The following AAK1 variants were observed in gnomAD, a reference collection of about 807,000 sequenced individuals.
AAK1 encodes the protein AP2-associated protein kinase 1.
A neutral mutation model predicts 116.0 loss-of-function variants in AAK1; 37 were observed. That is an observed-to-expected ratio of 0.32 (90% CI 0.25 to 0.42). The LOEUF is 0.42. AAK1 is among the 10% of genes least tolerant of loss of function. The pLI is 1.00. For missense variants in AAK1, 919 were observed against 1,170.6 expected, an observed-to-expected ratio of 0.79 and a Z score of 3.14; for synonymous variants, 458 against 439.9, an observed-to-expected ratio of 1.04 and a Z score of -0.51.
At chr2:69,508,646 G>C (rs1414637162) in intron 14 of AAK1, among the ~76,000 whole-genome samples, 1 of 152,180 alleles carries the variant, frequency 6.6e-6, no homozygotes, top group African/African-American at 2.4e-5. Flanking sequence ...AAAATGTTCA[G>C]ACAAAAATTA....
chr2:69,613,591 G>C (rs943500285), intron 2 of AAK1, among the ~76,000 whole-genome samples: 4 of 152,048 alleles, frequency 2.6e-5, no homozygotes, highest in African/African-American at 9.7e-5. Flanking sequence ...AATCAACAAG[G>C]GCCAGTGATT....
intron 10 of AAK1, among the ~76,000 whole-genome samples, chr2:69,524,165 A>C (rs1454711907): frequency 1.3e-5 from 2 of 152,208 alleles, no homozygotes; most frequent in African/African-American, 4.8e-5. Flanking sequence ...AGCCATAGAA[A>C]GTAAGAAGGA....
At chr2:69,482,886 C>A in intron 17 of AAK1, 74 bp from the exon 18 acceptor site, 1 of 907,544 alleles carries the variant, frequency 1.1e-6, no homozygotes, top group Non-Finnish European at 1.8e-6. Context: ...ATTCACTATT[C>A]TTTAAGCAAA....
chr2:69,625,553 C>T lies in AAK1; in HGVS notation c.163+17325G>A, dbSNP rs967854021. 2.6e-5 allele frequency among the ~76,000 whole-genome samples: 4 copies of T among 152,070 alleles called. No homozygotes were observed. In the South Asian group the frequency reaches 8.3e-4, roughly 32 times the overall value. On this transcript the variant is annotated intron_variant, in intron 2 of 21. Coordinates refer to ENST00000409085, the MANE Select transcript of AAK1 (RefSeq NM_014911.5). ...AGTCCTCATTTTACACATAGGGAGC[C>T]TGGTGGACGGAACTGGGAAGCAATG... is the stretch of plus-strand genomic sequence containing the variant.
At position 69,532,079 on chromosome 2, in the gene AAK1, T is replaced by G. The variant is rs749899502; in HGVS notation, c.618A>C (p.Gln206His). The change falls in exon 6 of 22, where the codon CAA (glutamine) becomes CAC (histidine). Residue 206 changes from glutamine (Q) to histidine (H), a missense_variant. Gln to His is a conservative substitution (Grantham distance 24). This residue lies in a region of AAK1 where 317 missense variants were observed against 490.4 expected (regional missense o/e 0.65). Transcript: ENST00000409085. ...CTTCTACTGCATTGACTCCCTCAGT[T>G]TGTGGATTCTGGAATTTGTTGGTGG... ...GSATNKFQNP[Q>H]TEGVNAVEDE... is the part of the protein sequence containing the mutation. The G allele has an allele frequency of 6.2e-7, 1 of 1,613,656 alleles. No homozygotes were observed.
chr2:69,580,707 A>C (rs1672506144), intron 2 of AAK1, among the ~76,000 whole-genome samples: 1 of 152,188 alleles, frequency 6.6e-6, no homozygotes. Flanking sequence ...GATAACTGTT[A>C]ATGTGCCCAC....
intron 2 of AAK1, among the ~76,000 whole-genome samples, chr2:69,557,439 T>G (rs1333012288): frequency 6.6e-6 from 1 of 151,858 alleles, no homozygotes; most frequent in Non-Finnish European, 1.5e-5. Context: ...GTAGCTGGGA[T>G]TACAGGTGTA....
chr2:69,633,129 G>A (rs1402284806), intron 2 of AAK1, among the ~76,000 whole-genome samples: 1 of 150,510 alleles, frequency 6.6e-6, no homozygotes, highest in Admixed American at 6.7e-5. Flanking sequence ...ACAGGCAGGA[G>A]AATGGCATGA....
At chr2:69,536,401 G>C (rs1670474580) in intron 5 of AAK1, among the ~76,000 whole-genome samples, 1 of 151,942 alleles carries the variant, frequency 6.6e-6, no homozygotes, top group African/African-American at 2.4e-5. Context: ...GTCTGGGTGT[G>C]AGATGACTAG....
intron 19 of AAK1, 26 bp from the exon 20 acceptor site, chr2:69,479,087 G>C (rs1674983376): frequency 6.8e-7 from 1 of 1,462,448 alleles, no homozygotes; most frequent in African/African-American, 1.4e-5. Context: ...CAGCATCCCA[G>C]GTCAGTGATG....
rs1180060015 is a variant in AAK1, at chr2:69,459,082, T to C, written c.*16787A>G. On this transcript the variant is annotated 3_prime_UTR_variant, in exon 22 of 22. Transcript: ENST00000409085. Reference sequence around the variant, plus strand: ...AATACTGGACTAAGTCAAGAATGGTTACCATGTAGCCATTTTTACCAGCTA... The same window carrying C: ...AATACTGGACTAAGTCAAGAATGGTCACCATGTAGCCATTTTTACCAGCTA... The C allele has an allele frequency of 6.6e-6, 1 of 152,188 alleles. No individual in the cohort carries two copies. The highest frequency in any genetic ancestry group is 2.4e-5 in the African/African-American group (1 of 41,450). The allele number at this position is 152,188 out of a possible 1,614,324, so 9.4% of individuals were successfully genotyped here.
rs182965895 is a variant in AAK1 at position 69,484,650 on chromosome 2, C to T, written c.2366-1838G>A. The stretch of plus-strand genomic sequence containing the variant: ...CTCTACTTAAAATACAAAAATTAGC[C>T]GGGTGTGGTAGTGCATGCCTATAGT... On this transcript the variant is annotated intron_variant, in intron 17 of 21. Coordinates refer to ENST00000409085, the MANE Select transcript of AAK1 (RefSeq NM_014911.5). Among the ~76,000 whole-genome samples, 54 of 151,994 alleles carry T rather than the reference C, an allele frequency of 3.6e-4. No homozygotes were observed. In the East Asian group the frequency reaches 4.3e-3, roughly 12 times the overall value.
intron 2 of AAK1, among the ~76,000 whole-genome samples, chr2:69,630,011 C>A (rs201342491): frequency 6.6e-6 from 1 of 151,954 alleles, no homozygotes; most frequent in African/African-American, 2.4e-5. Context: ...ATCCCAGCTG[C>A]GGGGAACACC....
At chr2:69,624,607 T>C (rs946935089) in intron 2 of AAK1, among the ~76,000 whole-genome samples, 1 of 152,250 alleles carries the variant, frequency 6.6e-6, no homozygotes, top group East Asian at 1.9e-4. Context: ...TTAATTTGCA[T>C]GTCCAAAATA....
Position 69,527,336 on chromosome 2 carries a change from A to C in AAK1, c.872-17T>G, listed in dbSNP as rs1262374520. 1 of 1,468,540 alleles carries C rather than the reference A, an allele frequency of 6.8e-7. No homozygotes were observed. Among genetic ancestry groups the C allele is most frequent in the African/African-American group, 1.4e-5 (1 of 71,818 alleles). 91.0% of individuals were successfully genotyped at this position (1,468,540 alleles called of 1,614,324 possible). On this transcript the variant is annotated splice_polypyrimidine_tract_variant and intron_variant, in intron 8 of 21. Coordinates refer to ENST00000409085, the MANE Select transcript of AAK1 (RefSeq NM_014911.5). ...ACATATACCCTAAGGCAAACATGTG[A>C]ATTTATTTAATAATATTCCAACAGT...
chr2:69,547,115 C>G (rs1247078380), intron 3 of AAK1, among the ~76,000 whole-genome samples: 1 of 152,106 alleles, frequency 6.6e-6, no homozygotes, highest in African/African-American at 2.4e-5. Flanking sequence ...CTACCTCACA[C>G]CATATACAAA....
At position 69,468,169 on chromosome 2, in the gene AAK1, G is replaced by T; in HGVS notation, c.*7700C>A. On this transcript the variant is annotated 3_prime_UTR_variant, in exon 22 of 22. Transcript: ENST00000409085. ...TAATTTTAGTATGTGCAGCTACATG[G>T]TGATACGAAAGCATCAGTCAGTGGA... The T allele has an allele frequency of 1.0e-6, 1 of 985,358 alleles. No homozygotes were observed. The highest frequency in any genetic ancestry group is 1.2e-6 in the Non-Finnish European group (1 of 829,892). 61.0% of individuals were successfully genotyped at this position (985,358 alleles called of 1,614,324 possible).
In AAK1 at chr2:69,518,060, T is replaced by C. The variant is rs552444974; in HGVS notation, c.1497+894A>G. ...TCACTTGAGCCCAGGAACTGGAGGC[T>C]GCAGTGAGCTATAACTGCACCACTT... On this transcript the variant is annotated intron_variant, in intron 12 of 21. Coordinates refer to ENST00000409085, the MANE Select transcript of AAK1 (RefSeq NM_014911.5). 1.6e-4 allele frequency among the ~76,000 whole-genome samples: 25 copies of C among 152,272 alleles called. No homozygotes were observed. In the South Asian group the frequency reaches 4.6e-3, roughly 28 times the overall value.
intron 17 of AAK1, 79 bp from the exon 18 acceptor site, chr2:69,482,891 A>G (rs1333317911): frequency 1.2e-6 from 1 of 853,562 alleles, no homozygotes; most frequent in African/African-American, 1.7e-5. Flanking sequence ...CTATTCTTTA[A>G]GCAAACACAT....
Sources: gnomAD v4.1 joint callset for allele counts (sites outside exome capture counted in the v4.1 genomes callset) on GRCh38, gnomAD v4.1.1 for gene constraint, gnomAD v4.1.1 regional missense constraint, MANE v1.5 for transcripts, NCBI Gene and HGNC (gene_info 2026-07-23, HGNC 2026-07-21) for gene names.